The following PRKAR1B variants were observed in gnomAD, a reference collection of about 807,000 sequenced individuals.
The protein encoded by PRKAR1B is protein kinase cAMP-dependent type I regulatory subunit beta, also known as cAMP-dependent protein kinase type I-beta regulatory subunit.
Under a neutral mutation model 46.5 loss-of-function variants are expected in PRKAR1B, and 22 were observed. The observed-to-expected ratio is 0.47, with a 90% CI of 0.34 to 0.68. PRKAR1B has a LOEUF of 0.68. Among genes scored for constraint, PRKAR1B ranks in the 30% least tolerant of loss-of-function variants. The pLI is 0.01. For synonymous variants in PRKAR1B, 259 were observed against 217.7 expected (o/e 1.19, Z -1.67); for missense variants, 445 against 535.6 (o/e 0.83, Z 1.67).
At chr7:575,592 C>G (rs1014135104) in intron 9 of PRKAR1B, among the ~76,000 whole-genome samples, 1 of 152,172 alleles carries the variant, frequency 6.6e-6, no homozygotes, top group Non-Finnish European at 1.5e-5. Flanking sequence ...GTTGCCCAGG[C>G]TGGAGTGCAA....
At chr7:722,028 A>T (rs185202711) in intron 1 of PRKAR1B, among the ~76,000 whole-genome samples, 1 of 149,328 alleles carries the variant, frequency 6.7e-6, no homozygotes, top group Non-Finnish European at 1.5e-5. Flanking sequence ...GGCTTGTCCT[A>T]TGAAGCCTTG....
intron 2 of PRKAR1B, among the ~76,000 whole-genome samples, chr7:700,198 A>C (rs1034113720): frequency 2.6e-5 from 4 of 152,212 alleles, no homozygotes; most frequent in Admixed American, 1.3e-4. Context: ...AGCTGCAAGC[A>C]AAACAATGTC....
intron 6 of PRKAR1B, 62 bp from the exon 7 acceptor site, chr7:596,366 C>G: frequency 6.5e-7 from 1 of 1,548,166 alleles, no homozygotes; most frequent in African/African-American, 1.4e-5. Flanking sequence ...CTCTGCATCC[C>G]ATACAGAAAG....
chr7:665,868 T>C (rs188636017), intron 4 of PRKAR1B, among the ~76,000 whole-genome samples: 1 of 152,260 alleles, frequency 6.6e-6, no homozygotes, highest in Non-Finnish European at 1.5e-5. Flanking sequence ...ACTGCAGAGA[T>C]ACGCGGGTGG....
In PRKAR1B at chr7:666,472, GCACCTAC is replaced by G. The variant is rs1387328843; in HGVS notation, c.440+10750_440+10756del. Among the ~76,000 whole-genome samples, 1 of 152,216 alleles carries G rather than the reference GCACCTAC, an allele frequency of 6.6e-6. No homozygotes were observed. Among genetic ancestry groups the G allele is most frequent in the African/African-American group, 2.4e-5 (1 of 41,454 alleles). Reference sequence around the variant, plus strand: ...ATAGCTGACACAAGGTGAGAAGGCTGCACCTACCACCACCCTGGGGCCTGCCCTGGGA... The same window carrying G: ...ATAGCTGACACAAGGTGAGAAGGCTGCACCACCCTGGGGCCTGCCCTGGGA... On this transcript the variant is annotated intron_variant, in intron 4 of 10. Transcript: ENST00000537384. This position sits in a 1 kb window ranked among gnomAD's most constrained non-coding sequence, Gnocchi z 4.9.
At chr7:679,598 T>A (rs989380413) in intron 3 of PRKAR1B, among the ~76,000 whole-genome samples, 3 of 151,988 alleles carry the variant, frequency 2.0e-5, no homozygotes, top group Non-Finnish European at 4.4e-5. Flanking sequence ...GGGAATAGAG[T>A]CTCAGTTCTG....
intron 6 of PRKAR1B, among the ~76,000 whole-genome samples, 159 bp downstream of exon 6, chr7:606,034 C>T (rs1562557100): frequency 6.6e-6 from 1 of 152,256 alleles, no homozygotes; most frequent in Non-Finnish European, 1.5e-5. Flanking sequence ...TTCCCATATT[C>T]TCTTCCAAGA....
chr7:609,576 G>A (rs374885630), intron 4 of PRKAR1B, among the ~76,000 whole-genome samples: 7 of 152,330 alleles, frequency 4.6e-5, no homozygotes, highest in South Asian at 2.1e-4. Context: ...GTGTGCACCC[G>A]TGAAAAGCGT....
intron 9 of PRKAR1B, among the ~76,000 whole-genome samples, chr7:552,592 G>A (rs527844348): frequency 1.5e-4 from 23 of 152,302 alleles, no homozygotes; most frequent in East Asian, 3.9e-4. Context: ...TCTGAGCACC[G>A]CGGGACCTGC....
chr7:591,008 AG>A (rs1339073450), intron 7 of PRKAR1B, among the ~76,000 whole-genome samples: 1 of 152,252 alleles, frequency 6.6e-6, no homozygotes, highest in African/African-American at 2.4e-5. Context: ...CCATAAAAAA[AG>A]CACTTCTTTT....
chr7:596,535 C>A (rs1042625946), intron 6 of PRKAR1B, among the ~76,000 whole-genome samples: 1 of 152,240 alleles, frequency 6.6e-6, no homozygotes. Context: ...AGCATCAGAC[C>A]TCCACAGCAG....
rs887811765 is a variant in PRKAR1B, at chr7:727,002, G to A, written c.-23+208C>T. ...GCGACCCCGCCGAGGGCTGCCGCGC[G>A]CTGGCAGTGCACCTGCTGGATCTGG... is the stretch of plus-strand genomic sequence containing the variant. On this transcript the variant is annotated intron_variant, in intron 1 of 10. Coordinates refer to ENST00000537384, the MANE Select transcript of PRKAR1B (RefSeq NM_001164760.2). The A allele has an allele frequency of 2.6e-5, 33 of 1,248,604 alleles. No individual in the cohort carries two copies. In the African/African-American group the frequency reaches 3.2e-4, roughly 12 times the overall value. 77.3% of individuals were successfully genotyped at this position (1,248,604 alleles called of 1,614,324 possible).
intron 9 of PRKAR1B, among the ~76,000 whole-genome samples, chr7:577,782 G>C (rs1343157854): frequency 6.6e-6 from 1 of 152,252 alleles, no homozygotes; most frequent in Non-Finnish European, 1.5e-5. Context: ...GAGGGTTCTT[G>C]ACTTTGCCCA....
At chr7:567,429 A>G (rs36157898) in intron 9 of PRKAR1B, among the ~76,000 whole-genome samples, 1,599 of 116,856 alleles carry the variant, frequency 0.014, 14 homozygotes, top group African/African-American at 0.025. Flanking sequence ...CACCATCATC[A>G]CCATCATCAT....
At chr7:676,946 GA>G (rs1778355041) in intron 4 of PRKAR1B, among the ~76,000 whole-genome samples, 3 of 148,932 alleles carry the variant, frequency 2.0e-5, no homozygotes, top group African/African-American at 7.6e-5. Flanking sequence ...CCACCTCCCG[GA>G]GGGCAAGGAG....
At position 578,969 on chromosome 7, in the gene PRKAR1B, G is replaced by A. The variant is rs533822488; in HGVS notation, c.891+287C>T. Reference sequence around the variant, plus strand: ...AGTGCTGGGATGACAGGCGTGAGCCGCCGCGCCCGGCCAGTTTCATGCAGT... The same window carrying A: ...AGTGCTGGGATGACAGGCGTGAGCCACCGCGCCCGGCCAGTTTCATGCAGT... On this transcript the variant is annotated intron_variant, in intron 9 of 10. Coordinates refer to ENST00000537384, the MANE Select transcript of PRKAR1B (RefSeq NM_001164760.2). 2.6e-4 allele frequency: 316 copies of A among 1,211,664 alleles called. 1 individual carries two copies. The South Asian group carries it at 3.9e-3, about 15-fold the overall frequency. 75.1% of individuals were successfully genotyped at this position (1,211,664 alleles called of 1,614,324 possible). A position where few individuals can be genotyped will look rare whatever the true frequency, so the allele number is the denominator to read the frequency against.
chr7:576,433 C>T (rs569638505), intron 9 of PRKAR1B, among the ~76,000 whole-genome samples: 11 of 152,308 alleles, frequency 7.2e-5, no homozygotes, highest in South Asian at 6.2e-4. Context: ...TGCCTGATAA[C>T]GGCTCCCCCG....
At chr7:610,423 C>T (rs1445364822) in intron 4 of PRKAR1B, among the ~76,000 whole-genome samples, 1 of 152,176 alleles carries the variant, frequency 6.6e-6, no homozygotes, top group African/African-American at 2.4e-5. Context: ...TGGGTTGCTC[C>T]GTTGGCCACA....
intron 8 of PRKAR1B, among the ~76,000 whole-genome samples, chr7:584,082 G>A (rs907150213): frequency 1.3e-5 from 2 of 152,178 alleles, no homozygotes; most frequent in East Asian, 1.9e-4. Context: ...GGCTCCCAGA[G>A]AAACTGCGCT....
Sources: gnomAD v4.1 joint callset for allele counts (sites outside exome capture counted in the v4.1 genomes callset) on GRCh38, gnomAD v4.1.1 for gene constraint, Gnocchi (gnomAD v3.1) non-coding constraint, MANE v1.5 for transcripts, NCBI Gene and HGNC (gene_info 2026-07-23, HGNC 2026-07-21) for gene names.